The following PPP1R13B variants were observed in gnomAD, a reference collection of about 807,000 sequenced individuals.
The protein encoded by PPP1R13B is apoptosis-stimulating of p53 protein 1.
A neutral mutation model predicts 119.8 loss-of-function variants in PPP1R13B; 44 were observed. That is an observed-to-expected ratio of 0.37 (90% CI 0.29 to 0.47). PPP1R13B has a LOEUF of 0.47. Ranked by LOEUF, PPP1R13B falls within the 20% of genes least tolerant of loss-of-function variation. The probability of loss-of-function intolerance (pLI) is 0.99; values close to 1 mark genes in which losing one functional copy is unlikely to be tolerated. For synonymous variants in PPP1R13B, 542 were observed against 561.5 expected (o/e 0.97, Z 0.49); for missense variants, 1,227 against 1,413.5 (o/e 0.87, Z 2.12).
rs375448092 is a variant in PPP1R13B at position 103,842,485 on chromosome 14, TAG to T, written c.9+4812_9+4813del. 4.6e-5 allele frequency among the ~76,000 whole-genome samples: 7 copies of T among 151,872 alleles called. No individual in the cohort carries two copies. The East Asian group carries it at 1.4e-3, about 30-fold the overall frequency. ...ACCTGGCTAATTTTTGTATTTTTAG[TAG>T]AGATGGGGTTTTACCATGTTGAGCA... is the stretch of plus-strand genomic sequence containing the variant. On this transcript the variant is annotated intron_variant, in intron 1 of 16. Transcript: ENST00000202556.
At chr14:103,786,867 C>A (rs989518074) in intron 2 of PPP1R13B, among the ~76,000 whole-genome samples, 2 of 150,118 alleles carry the variant, frequency 1.3e-5, no homozygotes, top group African/African-American at 2.5e-5. Context: ...GCCAACACAC[C>A]TGGCTAATTT....
chr14:103,771,725 C>T lies in PPP1R13B; in HGVS notation c.354+7020G>A, dbSNP rs181461055. 5.4e-3 allele frequency among the ~76,000 whole-genome samples: 820 copies of T among 152,220 alleles called. 2 individuals carry two copies. Among genetic ancestry groups the T allele is most frequent in the Non-Finnish European group, 0.01 (693 of 68,022 alleles). On this transcript the variant is annotated intron_variant, in intron 4 of 16. Transcript: ENST00000202556. ...AGAACTCCTGACCTCAGGTGACCCA[C>T]CCACCTTGGCCTCCCAAAGTACTGG...
chr14:103,734,494 G>C lies in PPP1R13B; in HGVS notation c.*660C>G. On this transcript the variant is annotated 3_prime_UTR_variant, in exon 17 of 17. Transcript: ENST00000202556. ...TCTCCCAGTTGTCACTTGGTCTTAG[G>C]GGTCCTGGTGCCCGTGGCGCGGCAG... 2.2e-6 allele frequency: 1 copy of C among 456,294 alleles called. No homozygotes were observed. The highest frequency in any genetic ancestry group is 4.4e-6 in the Non-Finnish European group (1 of 226,770). 28.3% of individuals were successfully genotyped at this position (456,294 alleles called of 1,614,324 possible). A position where few individuals can be genotyped will look rare whatever the true frequency, so the allele number is the denominator to read the frequency against.
rs546875688 is a variant in PPP1R13B, at chr14:103,784,583, C to CAAAAA, written c.277+207_277+211dup. On this transcript the variant is annotated intron_variant, in intron 3 of 16. Coordinates refer to ENST00000202556, the MANE Select transcript of PPP1R13B (RefSeq NM_015316.3). ...GGGCGACAGAGTGAGACTCTGTCTC[C>CAAAAA]AAAAAAAAAAAAAAAAAAAAAAAAA... is the stretch of plus-strand genomic sequence containing the variant. 1.7e-3 allele frequency among the ~76,000 whole-genome samples: 102 copies of CAAAAA among 60,558 alleles called. 5 individuals carry two copies. The highest frequency in any genetic ancestry group is 4.4e-3 in the South Asian group (6 of 1,362). The allele number at this position is 60,558 out of a possible 152,430, so 39.7% of individuals were successfully genotyped here. A position where few individuals can be genotyped will look rare whatever the true frequency, so the allele number is the denominator to read the frequency against.
rs74342621 is a variant in PPP1R13B at position 103,741,186 on chromosome 14, A to G, written c.1823-593T>C. Among the ~76,000 whole-genome samples the G allele has an allele frequency of 1.6e-3, 249 of 152,342 alleles. 5 individuals are homozygous for G. In the East Asian group the frequency reaches 0.039, roughly 24 times the overall value. ...CAGCCAATGCCCAGGAATGTCTAAGAAGGCCCTAGCCTAGACCTGACCCGC... is the reference window on the plus strand; with the variant it reads ...CAGCCAATGCCCAGGAATGTCTAAGGAGGCCCTAGCCTAGACCTGACCCGC... On this transcript the variant is annotated intron_variant, in intron 11 of 16. Transcript: ENST00000202556.
Position 103,836,567 on chromosome 14 carries a change from GA to G in PPP1R13B, c.9+10731del, listed in dbSNP as rs1205050355. On this transcript the variant is annotated intron_variant, in intron 1 of 16. Transcript: ENST00000202556. Reference sequence around the variant, plus strand: ...AGGCGGATCATGAGGTCAGGAGTTTGAGACCAGCCTAGCCAACATGGCGAAA... The same window carrying G: ...AGGCGGATCATGAGGTCAGGAGTTTGGACCAGCCTAGCCAACATGGCGAAA... 4.0e-5 allele frequency among the ~76,000 whole-genome samples: 6 copies of G among 151,866 alleles called. No homozygotes were observed. In the East Asian group the frequency reaches 9.9e-4, roughly 25 times the overall value.
chr14:103,760,729 G>T (rs2084784859), intron 4 of PPP1R13B, among the ~76,000 whole-genome samples: 1 of 152,102 alleles, frequency 6.6e-6, no homozygotes, highest in African/African-American at 2.4e-5. Context: ...TCACTCTCCA[G>T]CCTCACGGCA....
At chr14:103,815,871 C>T (rs1379282321) in intron 1 of PPP1R13B, among the ~76,000 whole-genome samples, 2 of 151,882 alleles carry the variant, frequency 1.3e-5, no homozygotes, top group Non-Finnish European at 2.9e-5. Flanking sequence ...ATCACAAGGT[C>T]AGGAGATCGA....
At chr14:103,775,275 ATTATT>A (rs2085160055) in intron 4 of PPP1R13B, among the ~76,000 whole-genome samples, 1 of 116,730 alleles carries the variant, frequency 8.6e-6, no homozygotes, top group African/African-American at 3.6e-5. Context: ...TATTATTATT[ATTATT>A]TTTTTTTTTT....
intron 1 of PPP1R13B, among the ~76,000 whole-genome samples, chr14:103,818,007 CT>C (rs535679317): frequency 1.1e-3 from 161 of 151,004 alleles, no homozygotes; most frequent in Non-Finnish European, 1.6e-3. Context: ...GTAAATCAAA[CT>C]TTTTTTTTAT....
At chr14:103,735,529 C>T (rs911876112) in intron 16 of PPP1R13B, among the ~76,000 whole-genome samples, 3 of 152,222 alleles carry the variant, frequency 2.0e-5, no homozygotes, top group African/African-American at 7.2e-5. Flanking sequence ...GTTGGCTCAA[C>T]AGCAAGCCCC....
At chr14:103,841,968 CCTCA>C (rs1197006013) in intron 1 of PPP1R13B, among the ~76,000 whole-genome samples, 1 of 152,174 alleles carries the variant, frequency 6.6e-6, no homozygotes, top group Non-Finnish European at 1.5e-5. Flanking sequence ...GTCCAAAGGT[CCTCA>C]CTAACAAGTA....
intron 1 of PPP1R13B, among the ~76,000 whole-genome samples, chr14:103,817,873 CAGAT>C (rs1316611431): frequency 6.6e-6 from 1 of 151,530 alleles, no homozygotes; most frequent in East Asian, 1.9e-4. Context: ...AGTTTCTACT[CAGAT>C]AGTTCAGGAA....
At position 103,757,730 on chromosome 14, in the gene PPP1R13B, G is replaced by A. The variant is rs1364254445; in HGVS notation, c.376C>T (p.Leu126Phe). ...ATATCTTGGAGCTCTGAGAGGGTAAGTTCAACACGTGGATTCCCAACCTAA... is the reference window on the plus strand; with the variant it reads ...ATATCTTGGAGCTCTGAGAGGGTAAATTCAACACGTGGATTCCCAACCTAA... ...ENGVGNPRVE[L>F]TLSELQDMAA... Residue 126 changes from leucine to phenylalanine, a missense_variant, in exon 5 of 17, where the codon CTT (leucine) becomes TTT (phenylalanine). Leu to Phe is a conservative substitution (Grantham distance 22). Transcript: ENST00000202556. 8.1e-6 allele frequency: 13 copies of A among 1,614,004 alleles called. No individual in the cohort carries two copies. The highest frequency in any genetic ancestry group is 1.1e-5 in the Non-Finnish European group (13 of 1,179,940).
intron 15 of PPP1R13B, 103 bp from the exon 16 acceptor site, chr14:103,736,305 T>G: frequency 3.1e-6 from 4 of 1,276,420 alleles, no homozygotes; most frequent in Non-Finnish European, 3.3e-6. Context: ...GAGGCTGCTC[T>G]CAGCAGGCCC....
rs1030086183 is a variant in PPP1R13B at position 103,780,672 on chromosome 14, G to C, written c.278-1851C>G. ...TACTAAAAATACAAAAAATTAGCCC[G>C]GCATGGTGGTGCACACCTGTAGTCC... On this transcript the variant is annotated intron_variant, in intron 3 of 16. Coordinates refer to ENST00000202556, the MANE Select transcript of PPP1R13B (RefSeq NM_015316.3). Among the ~76,000 whole-genome samples the C allele has an allele frequency of 9.3e-5, 14 of 151,292 alleles. 1 individual carries two copies. The highest frequency in any genetic ancestry group is 2.0e-4 in the Admixed American group (3 of 15,158).
chr14:103,805,461 C>T (rs927787599), intron 1 of PPP1R13B, among the ~76,000 whole-genome samples: 2 of 151,994 alleles, frequency 1.3e-5, no homozygotes, highest in African/African-American at 4.8e-5. Flanking sequence ...GTCCCAGCTA[C>T]TCAGGAAGCC....
Position 103,833,159 on chromosome 14 carries a change from A to G in PPP1R13B, c.9+14140T>C, listed in dbSNP as rs115582439. ...GTAACTCATATTTTAACATTAAAAT[A>G]ATCCTTCAATATTTTCATATCTTTC... On this transcript the variant is annotated intron_variant, in intron 1 of 16. Transcript: ENST00000202556. 5.7e-3 allele frequency among the ~76,000 whole-genome samples: 862 copies of G among 152,320 alleles called. 8 individuals are homozygous for G. Among genetic ancestry groups the G allele is most frequent in the African/African-American group, 0.02 (818 of 41,552 alleles).
In PPP1R13B at chr14:103,738,806, C is replaced by T; in HGVS notation, c.2737G>A (p.Asp913Asn). ...LVQRIIYEVE[D>N]PSKPNDEGIT... ...CCTTCGTCGTTGGGCTTGCTGGGAT[C>T]TTCCACCTAGGACACACGGCCTGTG... is the stretch of plus-strand genomic sequence containing the variant. Residue 913 changes from aspartate (D) to asparagine (N), a missense_variant, in exon 14 of 17, where the codon GAT becomes AAT. By Grantham distance (23) the Asp-to-Asn change is conservative (BLOSUM62 1). Transcript: ENST00000202556. The surrounding 1 kb of genome is among the most constrained non-coding windows in gnomAD (Gnocchi z 5.6). The T allele has an allele frequency of 1.2e-6, 2 of 1,614,152 alleles. No individual in the cohort carries two copies. Among genetic ancestry groups the T allele is most frequent in the East Asian group, 4.5e-5 (2 of 44,874 alleles).
Sources: gnomAD v4.1 joint callset for allele counts (sites outside exome capture counted in the v4.1 genomes callset) on GRCh38, gnomAD v4.1.1 for gene constraint, Gnocchi (gnomAD v3.1) non-coding constraint, MANE v1.5 for transcripts, NCBI Gene and HGNC (gene_info 2026-07-23, HGNC 2026-07-21) for gene names.